Variants in CHST9 observed in about 807,000 individuals in gnomAD.
CHST9 encodes GalNAc-4-sulfotransferase 2.
CHST9 carries 41 observed loss-of-function variants against 44.4 expected under a neutral mutation model. That is an observed-to-expected ratio of 0.92 (90% CI 0.72 to 1.20). The LOEUF (loss-of-function observed/expected upper bound fraction) is 1.20, where lower values mean the gene tolerates loss of function less well. CHST9 is among the 50% of genes most tolerant of loss of function. CHST9 has a pLI of 0.00. For missense variants in CHST9, 504 were observed against 516.5 expected, an observed-to-expected ratio of 0.98 and a Z score of 0.23; for synonymous variants, 171 against 178.4, an observed-to-expected ratio of 0.96 and a Z score of 0.33.
At chr18:27,080,302 A>T (rs1375173409) in intron 2 of CHST9, among the ~76,000 whole-genome samples, 1 of 151,778 alleles carries the variant, frequency 6.6e-6, no homozygotes, top group Non-Finnish European at 1.5e-5. Flanking sequence ...CTTTGTTCAT[A>T]CTTGTCTCTC....
intron 4 of CHST9, among the ~76,000 whole-genome samples, chr18:27,022,540 T>C (rs964294005): frequency 2.0e-5 from 3 of 152,230 alleles, no homozygotes; most frequent in Non-Finnish European, 4.4e-5. Context: ...TAATATACCT[T>C]TATGTATAGA....
intron 2 of CHST9, among the ~76,000 whole-genome samples, chr18:27,114,129 G>A (rs2058299369): frequency 6.6e-6 from 1 of 152,162 alleles, no homozygotes; most frequent in Non-Finnish European, 1.5e-5. Context: ...GTGGACTGAA[G>A]TTTGAAAATG....
chr18:27,031,263 G>A (rs1478445134), intron 3 of CHST9, among the ~76,000 whole-genome samples: 1 of 152,160 alleles, frequency 6.6e-6, no homozygotes, highest in Non-Finnish European at 1.5e-5. Flanking sequence ...TGCCTCAAGT[G>A]CAGCTGGACT....
chr18:27,068,791 C>T (rs1204226458), intron 2 of CHST9, among the ~76,000 whole-genome samples: 1 of 152,140 alleles, frequency 6.6e-6, no homozygotes, highest in Admixed American at 6.5e-5. Flanking sequence ...CTTCCAGGCC[C>T]CTTTCACAAA....
intron 1 of CHST9, among the ~76,000 whole-genome samples, chr18:27,155,086 T>TAAA (rs145704285): frequency 3.7e-5 from 4 of 108,750 alleles, no homozygotes; most frequent in African/African-American, 6.4e-5. Context: ...TTTCAAAAGT[T>TAAA]AAAAAAAAAA....
chr18:27,046,978 T>A (rs763443943), intron 3 of CHST9, among the ~76,000 whole-genome samples: 3 of 152,086 alleles, frequency 2.0e-5, no homozygotes, highest in Non-Finnish European at 4.4e-5. Context: ...TTTCCATTTG[T>A]TGAAAAGTGT....
In CHST9 at chr18:26,916,753, G is replaced by C. The variant is rs779465790; in HGVS notation, c.838C>G (p.Arg280Gly). The C allele has an allele frequency of 4.3e-6, 7 of 1,613,682 alleles. No individual in the cohort carries two copies. The African/African-American group carries it at 9.3e-5, about 22-fold the overall frequency. ...GATACTAATCTTTCCATGGGATCAC[G>C]AACAAACACAGCTTTGGTGTAAGTA... ...LNTYTKAVFV[R>G]DPMERLVSAF... Residue 280 changes from arginine to glycine, a missense_variant, in exon 6 of 6, where the codon CGT (arginine) becomes GGT (glycine). Arg to Gly is a moderately radical substitution (Grantham distance 125). Coordinates refer to ENST00000618847, the MANE Select transcript of CHST9 (RefSeq NM_031422.6).
chr18:27,030,724 G>C (rs539930338), intron 3 of CHST9, among the ~76,000 whole-genome samples: 381 of 152,308 alleles, frequency 2.5e-3, no homozygotes, highest in African/African-American at 8.9e-3. Context: ...GAGTGTCTGA[G>C]AGACAGGACT....
intron 5 of CHST9, among the ~76,000 whole-genome samples, chr18:26,922,183 C>G (rs1568092329): frequency 6.6e-6 from 1 of 152,124 alleles, no homozygotes; most frequent in Non-Finnish European, 1.5e-5. Context: ...TTAACACATG[C>G]CCTGTCCTCC....
chr18:27,040,063 G>A (rs1477391696), intron 3 of CHST9, among the ~76,000 whole-genome samples: 1 of 152,110 alleles, frequency 6.6e-6, no homozygotes, highest in African/African-American at 2.4e-5. Context: ...AGTACAGATT[G>A]TTTCTATACA....
chr18:27,108,779 T>C (rs1420431821), intron 2 of CHST9, among the ~76,000 whole-genome samples: 1 of 152,224 alleles, frequency 6.6e-6, no homozygotes, highest in Non-Finnish European at 1.5e-5. Flanking sequence ...CATAACATAA[T>C]ATAAAGATAC....
intron 1 of CHST9, among the ~76,000 whole-genome samples, chr18:27,150,378 G>A (rs1213984677): frequency 6.6e-6 from 1 of 152,136 alleles, no homozygotes; most frequent in Non-Finnish European, 1.5e-5. Flanking sequence ...GCTTCAGGTG[G>A]AGATTGCTAC....
At chr18:27,096,445 A>G (rs991908655) in intron 2 of CHST9, among the ~76,000 whole-genome samples, 1 of 152,024 alleles carries the variant, frequency 6.6e-6, no homozygotes, top group East Asian at 1.9e-4. Context: ...AGTGGACCTA[A>G]TGAAATTGAG....
intron 2 of CHST9, among the ~76,000 whole-genome samples, chr18:27,116,026 T>G (rs1330822530): frequency 1.3e-5 from 2 of 152,254 alleles, no homozygotes; most frequent in East Asian, 1.9e-4. Context: ...TCCTTGTATA[T>G]TCTAGTTACA....
intron 4 of CHST9, among the ~76,000 whole-genome samples, chr18:26,969,368 C>CTG (rs1435153900): frequency 3.3e-4 from 31 of 94,108 alleles, no homozygotes; most frequent in East Asian, 1.4e-3. Context: ...GATTCTCTCT[C>CTG]TCTCTCTCTG....
chr18:26,922,750 C>T (rs988284086), intron 5 of CHST9, among the ~76,000 whole-genome samples: 1 of 152,102 alleles, frequency 6.6e-6, no homozygotes, highest in Admixed American at 6.6e-5. Context: ...ATTCTTCTGC[C>T]TCAGCCTCCT....
At position 26,916,884 on chromosome 18, in the gene CHST9, C is replaced by A; in HGVS notation, c.707G>T (p.Gly236Val). Reference protein sequence around the residue: ...NWKRILMVLNGLASSAYNISH... With the variant: ...NWKRILMVLNVLASSAYNISH... ...GATGTTGTATGCAGAGGAAGCCAAT[C>A]CATTTAGTACCATCAGAATTCTTTT... Residue 236 changes from glycine (G) to valine (V), a missense_variant, in exon 6 of 6, where the codon GGA becomes GTA. Transcript: ENST00000618847. 1 of 1,613,850 alleles carries A rather than the reference C, an allele frequency of 6.2e-7. No homozygotes were observed. Among genetic ancestry groups the A allele is most frequent in the Non-Finnish European group, 8.5e-7 (1 of 1,179,858 alleles).
chr18:27,132,578 T>G (rs2058481175), intron 2 of CHST9, among the ~76,000 whole-genome samples: 1 of 152,062 alleles, frequency 6.6e-6, no homozygotes, highest in Non-Finnish European at 1.5e-5. Context: ...GGCACAGGAG[T>G]GAACAAGGCA....
chr18:27,061,354 C>A (rs558233185), intron 2 of CHST9, among the ~76,000 whole-genome samples: 1 of 152,188 alleles, frequency 6.6e-6, no homozygotes, highest in Non-Finnish European at 1.5e-5. Context: ...ATGCTAAATA[C>A]ACTAGGAATA....
Sources: gnomAD v4.1 joint callset for allele counts (sites outside exome capture counted in the v4.1 genomes callset) on GRCh38, gnomAD v4.1.1 for gene constraint, MANE v1.5 for transcripts, NCBI Gene and HGNC (gene_info 2026-07-23, HGNC 2026-07-21) for gene names.